The following COL26A1 variants were observed in gnomAD, a reference collection of about 807,000 sequenced individuals.
COL26A1 encodes the protein collagen alpha-1(XXVI) chain.
A neutral mutation model predicts 59.3 loss-of-function variants in COL26A1; 41 were observed. The ratio of observed to expected loss-of-function variants is 0.69; its 90% confidence interval spans 0.54 to 0.90. COL26A1 has a LOEUF of 0.90. Ranked by LOEUF, COL26A1 falls within the 40% of genes least tolerant of loss-of-function variation. The pLI, the probability that COL26A1 is intolerant of heterozygous loss-of-function variation, is 0.00. For missense variants in COL26A1, 612 were observed against 602.3 expected (o/e 1.02, Z -0.17); for synonymous variants, 266 against 256.0 (o/e 1.04, Z -0.37).
chr7:101,524,711 A>C (rs1057386160), intron 3 of COL26A1, among the ~76,000 whole-genome samples: 12 of 152,156 alleles, frequency 7.9e-5, no homozygotes, highest in African/African-American at 2.9e-4. Flanking sequence ...GGTATCACTT[A>C]ATTTCTTTTT....
At chr7:101,549,862 C>T (rs1465181826) in intron 9 of COL26A1, among the ~76,000 whole-genome samples, 1 of 152,146 alleles carries the variant, frequency 6.6e-6, no homozygotes, top group Non-Finnish European at 1.5e-5. Flanking sequence ...CACAGAATCT[C>T]TGCCTCAGCC....
intron 2 of COL26A1, among the ~76,000 whole-genome samples, chr7:101,426,047 G>A (rs544790953): frequency 1.3e-5 from 2 of 152,002 alleles, no homozygotes; most frequent in South Asian, 2.1e-4. Flanking sequence ...GGCTGGTCTC[G>A]AACTCCTGAC....
chr7:101,489,921 G>GTCTC (rs1328632188), intron 3 of COL26A1, among the ~76,000 whole-genome samples: 2 of 43,438 alleles, frequency 4.6e-5, no homozygotes, highest in Non-Finnish European at 8.4e-5. Flanking sequence ...TTTCTTTCTT[G>GTCTC]TCTCTCTCTC....
At chr7:101,413,368 T>C (rs1238889972) in intron 1 of COL26A1, among the ~76,000 whole-genome samples, 1 of 151,796 alleles carries the variant, frequency 6.6e-6, no homozygotes, top group Non-Finnish European at 1.5e-5. Flanking sequence ...AAATACAAAA[T>C]ATTAGCCGGG....
intron 2 of COL26A1, among the ~76,000 whole-genome samples, chr7:101,431,944 A>G (rs1051744990): frequency 6.8e-6 from 1 of 147,520 alleles, no homozygotes; most frequent in African/African-American, 2.5e-5. Context: ...GGCGTACACC[A>G]CCATGCTTGG....
intron 2 of COL26A1, among the ~76,000 whole-genome samples, chr7:101,431,053 C>T (rs1260234252): frequency 6.6e-6 from 1 of 152,138 alleles, no homozygotes; most frequent in African/African-American, 2.4e-5. Context: ...CCACCTGCCT[C>T]AGCCTCCCAA....
chr7:101,446,023 G>A lies in COL26A1; in HGVS notation c.282-1661G>A, dbSNP rs145736100. ...AGATCGCGCCACTGAATTCCAGCCT[G>A]ATGACAGAGCAAGACTCCGTCTCAA... is the stretch of plus-strand genomic sequence containing the variant. On this transcript the variant is annotated intron_variant, in intron 2 of 12. Transcript: ENST00000313669. Among the ~76,000 whole-genome samples the A allele has an allele frequency of 7.1e-3, 849 of 120,338 alleles. 9 individuals are homozygous for A. Among genetic ancestry groups the A allele is most frequent in the African/African-American group, 0.026 (820 of 31,968 alleles). The allele number at this position is 120,338 out of a possible 152,430, so 78.9% of individuals were successfully genotyped here.
At chr7:101,489,818 CTTTCTTT>C (rs1794391781) in intron 3 of COL26A1, among the ~76,000 whole-genome samples, 1 of 5,716 alleles carries the variant, frequency 1.7e-4, no homozygotes, top group African/African-American at 1.5e-3. Context: ...TTCTTTCTTT[CTTTCTTT>C]CTTTCTTTCT....
intron 5 of COL26A1, among the ~76,000 whole-genome samples, chr7:101,540,304 G>T (rs935746311): frequency 5.3e-5 from 8 of 152,196 alleles, no homozygotes; most frequent in African/African-American, 1.9e-4. Context: ...TTGGGAGGCC[G>T]AGAAGGGTGG....
At chr7:101,527,843 C>T (rs1795282861) in intron 3 of COL26A1, among the ~76,000 whole-genome samples, 1 of 152,064 alleles carries the variant, frequency 6.6e-6, no homozygotes, top group African/African-American at 2.4e-5. Context: ...CTTCATAATC[C>T]TGGAAAGTTA....
intron 1 of COL26A1, among the ~76,000 whole-genome samples, chr7:101,389,404 G>T (rs756372075): frequency 7.3e-6 from 1 of 136,240 alleles, no homozygotes; most frequent in Non-Finnish European, 1.5e-5. Context: ...TTTTGAGATG[G>T]AGTCTCACTC....
chr7:101,387,989 C>T (rs1040483582), intron 1 of COL26A1, among the ~76,000 whole-genome samples: 14 of 150,706 alleles, frequency 9.3e-5, no homozygotes, highest in Admixed American at 8.6e-4. Context: ...GTATCGGACT[C>T]CCAGCCTCAA....
intron 3 of COL26A1, among the ~76,000 whole-genome samples, chr7:101,507,671 C>T (rs969390812): frequency 5.9e-5 from 9 of 152,268 alleles, no homozygotes; most frequent in Non-Finnish European, 1.2e-4. Flanking sequence ...CTCCCTCCTC[C>T]ACTTCCCAAA....
At chr7:101,550,773 G>A (rs952081479) in intron 9 of COL26A1, among the ~76,000 whole-genome samples, 5 of 152,162 alleles carry the variant, frequency 3.3e-5, no homozygotes, top group Admixed American at 2.0e-4. Context: ...ATCAGCACAC[G>A]TGGGACCCTG....
At chr7:101,387,774 A>ATTTTTTTTTTTTTTTTTTTTTT (rs1185449488) in intron 1 of COL26A1, among the ~76,000 whole-genome samples, 1 of 48,900 alleles carries the variant, frequency 2.0e-5, no homozygotes, top group Non-Finnish European at 4.1e-5. Flanking sequence ...ATATATATAT[A>ATTTTTTTTTTTTTTTTTTTTTT]TATATTTTTT....
At position 101,555,837 on chromosome 7, in the gene COL26A1, A is replaced by T; in HGVS notation, c.1131A>T (p.Arg377=). Residue 377 remains arginine, a synonymous_variant, in exon 12 of 13, where the codon CGA becomes CGT. Transcript: ENST00000313669. ...LREALKILAE[R]VLILEHMIGI... is the part of the protein sequence containing the mutation. ...AGGCCCTGAAGATCCTGGCAGAGCG[A>T]GTCCTCATCCTGGAGCACATGATTG... is the stretch of plus-strand genomic sequence containing the variant. 1 of 1,611,974 alleles carries T rather than the reference A, an allele frequency of 6.2e-7. No individual in the cohort carries two copies. The highest frequency in any genetic ancestry group is 1.1e-5 in the South Asian group (1 of 90,258).
intron 3 of COL26A1, among the ~76,000 whole-genome samples, chr7:101,527,689 G>A (rs1347220278): frequency 6.6e-6 from 1 of 152,028 alleles, no homozygotes; most frequent in Non-Finnish European, 1.5e-5. Context: ...TAGTTTGCCT[G>A]GTACGTTGAC....
intron 1 of COL26A1, 91 bp downstream of exon 1, chr7:101,363,281 G>A (rs1790946607): frequency 8.6e-7 from 1 of 1,161,206 alleles, no homozygotes; most frequent in Non-Finnish European, 1.1e-6. Flanking sequence ...CGAGGCTTGG[G>A]GGCTGGAGAG....
intron 3 of COL26A1, among the ~76,000 whole-genome samples, chr7:101,459,833 G>C (rs1220152533): frequency 6.6e-6 from 1 of 152,140 alleles, no homozygotes; most frequent in African/African-American, 2.4e-5. Context: ...GGGCAGGCCT[G>C]GGACAGAGGG....
Sources: gnomAD v4.1 joint callset for allele counts (sites outside exome capture counted in the v4.1 genomes callset) on GRCh38, gnomAD v4.1.1 for gene constraint, MANE v1.5 for transcripts, NCBI Gene and HGNC (gene_info 2026-07-23, HGNC 2026-07-21) for gene names.